PTPRD: variants seen among roughly 807,000 people sequenced by gnomAD.
PTPRD encodes the protein protein tyrosine phosphatase receptor type D, also known as receptor-type tyrosine-protein phosphatase delta.
A neutral mutation model predicts 214.5 loss-of-function variants in PTPRD; 34 were observed. The ratio of observed to expected loss-of-function variants is 0.16; its 90% CI spans 0.12 to 0.21. The LOEUF is 0.21. PTPRD is among the 10% of genes least tolerant of loss of function. The probability of loss-of-function intolerance (pLI) is 1.00; values close to 1 mark genes in which losing one functional copy is unlikely to be tolerated. For synonymous variants in PTPRD, 1,128 were observed against 845.7 expected (o/e 1.33, Z -5.79); for missense variants, 2,545 against 2,398.7 (o/e 1.06, Z -1.27).
intron 5 of PTPRD, among the ~76,000 whole-genome samples, chr9:9,862,821 T>C (rs538520954): frequency 6.6e-6 from 1 of 152,328 alleles, no homozygotes; most frequent in South Asian, 2.1e-4. Context: ...TTTTCTAAGA[T>C]GCTTCTATTT....
chr9:10,189,561 T>A (rs1426717981), intron 3 of PTPRD, among the ~76,000 whole-genome samples: 1 of 152,136 alleles, frequency 6.6e-6, no homozygotes, highest in Non-Finnish European at 1.5e-5. Context: ...ATATCACTTT[T>A]AAAAGGAAGT....
rs71485324 is a variant in PTPRD at position 10,158,003 on chromosome 9, T to TTTTGTTTGTTTGTTTG, written c.-544-124229_-544-124214dup. The stretch of plus-strand genomic sequence containing the variant: ...CAACCCTATCAAGTTGTTTATGGTT[T>TTTTGTTTGTTTGTTTG]TTTGTTTGTTTGTTTGTTTGTTTTT... On this transcript the variant is annotated intron_variant, in intron 3 of 45. Coordinates refer to ENST00000381196, the MANE Select transcript of PTPRD (RefSeq NM_002839.4). Among the ~76,000 whole-genome samples the TTTTGTTTGTTTGTTTG allele has an allele frequency of 2.6e-3, 397 of 151,072 alleles. 1 individual carries two copies. Among genetic ancestry groups the TTTTGTTTGTTTGTTTG allele is most frequent in the Admixed American group, 5.9e-3 (89 of 15,098 alleles).
At position 10,186,088 on chromosome 9, in the gene PTPRD, T is replaced by TA. The variant is rs572509117; in HGVS notation, c.-544-152299_-544-152298insT. Among the ~76,000 whole-genome samples the TA allele has an allele frequency of 1.2e-3, 71 of 61,180 alleles. No individual in the cohort carries two copies. In the South Asian group the frequency reaches 0.019, roughly 16 times the overall value. 40.1% of individuals were successfully genotyped at this position (61,180 alleles called of 152,430 possible). On this transcript the variant is annotated intron_variant, in intron 3 of 45. Coordinates refer to ENST00000381196, the MANE Select transcript of PTPRD (RefSeq NM_002839.4). Reference sequence around the variant, plus strand: ...ATAATTATGCTAGAAATAAACAATATTTTTTTTTTTTATTGAGGGCAGTAT... The same window carrying TA: ...ATAATTATGCTAGAAATAAACAATATATTTTTTTTTTTATTGAGGGCAGTAT...
chr9:10,570,422 A>C (rs2067058938), intron 2 of PTPRD, among the ~76,000 whole-genome samples: 1 of 152,164 alleles, frequency 6.6e-6, no homozygotes, highest in African/African-American at 2.4e-5. Context: ...TCTCAATTCT[A>C]AAATAAGGCA....
At chr9:10,206,266 A>G (rs2099477515) in intron 3 of PTPRD, among the ~76,000 whole-genome samples, 1 of 152,184 alleles carries the variant, frequency 6.6e-6, no homozygotes, top group African/African-American at 2.4e-5. Flanking sequence ...AGTAGTAGTA[A>G]AGGGTGCTGT....
At chr9:9,854,028 CTAGT>C (rs1460403828) in intron 5 of PTPRD, among the ~76,000 whole-genome samples, 1 of 152,160 alleles carries the variant, frequency 6.6e-6, no homozygotes, top group African/African-American at 2.4e-5. Flanking sequence ...TCTCTTCTAG[CTAGT>C]TAAAAATATA....
At chr9:10,360,223 C>G (rs17704124) in intron 2 of PTPRD, among the ~76,000 whole-genome samples, 20,634 of 152,226 alleles carry the variant, frequency 0.14, 1,685 homozygotes, top group South Asian at 0.22. Context: ...GCCAGTCACT[C>G]AGAGCAAGTT....
At chr9:10,173,887 G>A (rs932945406) in intron 3 of PTPRD, among the ~76,000 whole-genome samples, 2 of 151,884 alleles carry the variant, frequency 1.3e-5, no homozygotes, top group Admixed American at 1.3e-4. Context: ...TTAAATTTTA[G>A]ATAGCCAAGG....
At chr9:9,749,216 A>G (rs929609365) in intron 6 of PTPRD, among the ~76,000 whole-genome samples, 3 of 152,142 alleles carry the variant, frequency 2.0e-5, no homozygotes, top group African/African-American at 7.2e-5. Context: ...CTATGCTGTC[A>G]TGTGATGATC....
intron 5 of PTPRD, among the ~76,000 whole-genome samples, chr9:9,924,989 C>A (rs1372823109): frequency 6.6e-6 from 1 of 152,050 alleles, no homozygotes; most frequent in Non-Finnish European, 1.5e-5. Flanking sequence ...AATATGTTTA[C>A]TATAATTTCT....
intron 20 of PTPRD, among the ~76,000 whole-genome samples, chr9:8,518,713 C>T (rs2097833542): frequency 6.6e-6 from 1 of 152,142 alleles, no homozygotes; most frequent in Non-Finnish European, 1.5e-5. Context: ...TTCTTAACCT[C>T]TCTTTGCTTT....
Position 9,547,796 on chromosome 9 carries a change from T to TCACACACACACACACACACA in PTPRD, c.-237+26916_-237+26935dup, listed in dbSNP as rs35772205. Among the ~76,000 whole-genome samples, 920 of 142,432 alleles carry TCACACACACACACACACACA rather than the reference T, an allele frequency of 6.5e-3. 2 individuals are homozygous for TCACACACACACACACACACA. Among genetic ancestry groups the TCACACACACACACACACACA allele is most frequent in the African/African-American group, 0.011 (436 of 39,078 alleles). The allele number at this position is 142,432 out of a possible 152,430, so 93.4% of individuals were successfully genotyped here. On this transcript the variant is annotated intron_variant, in intron 8 of 45. Transcript: ENST00000381196. ...TAAGAAAGCTCAAATAAACACAAAT[T>TCACACACACACACACACACA]CACACACACACACACACACACACAC...
chr9:9,488,914 T>G (rs889434286), intron 8 of PTPRD, among the ~76,000 whole-genome samples: 1 of 152,072 alleles, frequency 6.6e-6, no homozygotes, highest in African/African-American at 2.4e-5. Flanking sequence ...TCTCCAAATA[T>G]ATGGGATCTT....
chr9:10,570,329 A>T (rs1235489223), intron 2 of PTPRD, among the ~76,000 whole-genome samples: 1 of 152,172 alleles, frequency 6.6e-6, no homozygotes, highest in Non-Finnish European at 1.5e-5. Flanking sequence ...GGCTACTGCA[A>T]GAAAGTGGCC....
chr9:10,351,825 A>G (rs1281693533), intron 2 of PTPRD, among the ~76,000 whole-genome samples: 1 of 152,054 alleles, frequency 6.6e-6, no homozygotes, highest in African/African-American at 2.4e-5. Flanking sequence ...AACATAATAG[A>G]CACATTCATT....
chr9:9,580,831 G>A (rs570759884), intron 7 of PTPRD, among the ~76,000 whole-genome samples: 195 of 152,148 alleles, frequency 1.3e-3, no homozygotes, highest in African/African-American at 4.4e-3. Context: ...TTACAGGCAT[G>A]AGCCACCGTG....
At chr9:8,697,321 T>A (rs1300541662) in intron 12 of PTPRD, among the ~76,000 whole-genome samples, 2 of 152,080 alleles carry the variant, frequency 1.3e-5, no homozygotes, top group African/African-American at 4.8e-5. Flanking sequence ...TGGGGCTCTT[T>A]AAATATATTT....
At chr9:8,676,101 G>C (rs748474259) in intron 12 of PTPRD, among the ~76,000 whole-genome samples, 8 of 152,142 alleles carry the variant, frequency 5.3e-5, no homozygotes, top group Non-Finnish European at 1.0e-4. Context: ...CCCTGAATAA[G>C]TGACATTACT....
intron 9 of PTPRD, among the ~76,000 whole-genome samples, chr9:9,347,137 G>T (rs961338906): frequency 6.6e-6 from 1 of 152,056 alleles, no homozygotes; most frequent in South Asian, 2.1e-4. Context: ...ACAATGCACT[G>T]CAGCCTGGGT....
Sources: gnomAD v4.1 joint callset for allele counts (sites outside exome capture counted in the v4.1 genomes callset) on GRCh38, gnomAD v4.1.1 for gene constraint, MANE v1.5 for transcripts, NCBI Gene and HGNC (gene_info 2026-07-23, HGNC 2026-07-21) for gene names.